PRAM1: variants seen among roughly 807,000 people sequenced by gnomAD.
The protein encoded by PRAM1 is PML-RARA regulated adaptor molecule 1, also known as PML-RARA-regulated adapter molecule 1.
In PRAM1, 41 loss-of-function variants were observed where a neutral mutation model predicts 55.3. That is an observed-to-expected ratio of 0.74 (90% CI 0.58 to 0.96). PRAM1 has a LOEUF of 0.96. Ranked by LOEUF, PRAM1 falls within the 40% of genes least tolerant of loss-of-function variation. The probability of loss-of-function intolerance (pLI) is 0.00; values close to 1 mark genes in which losing one functional copy is unlikely to be tolerated. For synonymous variants in PRAM1, 401 were observed against 387.1 expected (o/e 1.04, Z -0.42); for missense variants, 898 against 892.7 (o/e 1.01, Z -0.08).
rs192910811 is a variant in PRAM1 at position 8,493,046 on chromosome 19, C to T, written c.1577-1889G>A. Among the ~76,000 whole-genome samples the T allele has an allele frequency of 2.0e-5, 3 of 152,240 alleles. No homozygotes were observed. The highest frequency in any genetic ancestry group is 3.9e-4 in the East Asian group (2 of 5,174). ...TAAAAGATGCTGCTAGGGTAAGCGT[C>T]CTGGACTGGTGACTGATGATGAGAC... On this transcript the variant is annotated intron_variant, in intron 4 of 9. Transcript: ENST00000423345. The surrounding 1 kb of genome is among the most constrained non-coding windows in gnomAD (Gnocchi z 4.1).
rs747964549 is a variant in PRAM1, at chr19:8,499,762, G to A, written c.46C>T (p.Arg16Trp). ...PAAMESHQDF[R>W]SIKAKFQASQ... is the part of the protein sequence containing the mutation. ...GCCTGGAACTTTGCTTTGATGCTCCGGAAGTCCTGATGGCTCTCCTAGGAG... is the reference window on the plus strand; with the variant it reads ...GCCTGGAACTTTGCTTTGATGCTCCAGAAGTCCTGATGGCTCTCCTAGGAG... The change falls in exon 2 of 10, where the codon CGG becomes TGG. Residue 16 changes from arginine to tryptophan, a missense_variant. This residue lies in a region of PRAM1 where 79 missense variants were observed against 93.4 expected (regional missense o/e 0.85). Coordinates refer to ENST00000423345, the MANE Select transcript of PRAM1 (RefSeq NM_032152.5). 8.1e-5 allele frequency: 130 copies of A among 1,606,586 alleles called. No homozygotes were observed. Among genetic ancestry groups the A allele is most frequent in the Non-Finnish European group, 1.0e-4 (123 of 1,176,694 alleles).
In PRAM1 at chr19:8,499,103, G is replaced by GCCA; in HGVS notation, c.702_704dup (p.Gly235dup). 1 of 1,613,482 alleles carries GCCA rather than the reference G, an allele frequency of 6.2e-7. No individual in the cohort carries two copies. Among genetic ancestry groups the GCCA allele is most frequent in the Non-Finnish European group, 8.5e-7 (1 of 1,179,746 alleles). On this transcript the variant is annotated inframe_insertion, in exon 2 of 10. Transcript: ENST00000423345. ...GCTGCGGCACGGACTTCTTAGGGAG[G>GCCA]CCACCGACCTGAGGCTGCGGAGGCT...
chr19:8,491,444 G>A, intron 4 of PRAM1: 1 of 509,778 alleles, frequency 2.0e-6, no homozygotes, highest in Non-Finnish European at 3.6e-6. Flanking sequence ...TGTGGGCCAG[G>A]CTGGTCTTGA....
At chr19:8,491,283 G>A (rs1425690517) in intron 4 of PRAM1, 126 bp from the exon 5 acceptor site, 9 of 980,932 alleles carry the variant, frequency 9.2e-6, no homozygotes, top group Non-Finnish European at 1.4e-5. Flanking sequence ...ACCCAGGCTG[G>A]AGTGCAATGG....
intron 4 of PRAM1, among the ~76,000 whole-genome samples, chr19:8,495,738 G>A (rs909543447): frequency 6.6e-6 from 1 of 151,722 alleles, no homozygotes; most frequent in South Asian, 2.1e-4. Context: ...CATGCAGGGA[G>A]TGGAGCGTAC....
rs749515141 is a variant in PRAM1 at position 8,490,152 on chromosome 19, G to GGGCT, written c.*33_*36dup. Reference sequence around the variant, plus strand: ...CAGGGCTCCTGGGTGAGCGGGCGCTGGGCTGGCTGGCTGTCCTGGCCCCAC... The same window carrying GGGCT: ...CAGGGCTCCTGGGTGAGCGGGCGCTGGGCTGGCTGGCTGGCTGTCCTGGCCCCAC... On this transcript the variant is annotated 3_prime_UTR_variant, in exon 10 of 10. Coordinates refer to ENST00000423345, the MANE Select transcript of PRAM1 (RefSeq NM_032152.5). This position sits in a 1 kb window ranked among gnomAD's most constrained non-coding sequence, Gnocchi z 7.3. The GGGCT allele has an allele frequency of 3.3e-6, 5 of 1,514,996 alleles. No homozygotes were observed. The South Asian group carries it at 3.9e-5, about 12-fold the overall frequency. The allele number at this position is 1,514,996 out of a possible 1,614,324, so 93.8% of individuals were successfully genotyped here. A position where few individuals can be genotyped will look rare whatever the true frequency, so the allele number is the denominator to read the frequency against.
At chr19:8,496,049 G>T (rs753693597) in intron 4 of PRAM1, 1 of 456,032 alleles carries the variant, frequency 2.2e-6, no homozygotes, top group South Asian at 1.5e-5. Context: ...CTGCCTGCAG[G>T]CCACACCTCC....
rs1018255584 is a variant in PRAM1, at chr19:8,493,225, C to G, written c.1577-2068G>C. On this transcript the variant is annotated intron_variant, in intron 4 of 9. Transcript: ENST00000423345. This position sits in a 1 kb window ranked among gnomAD's most constrained non-coding sequence, Gnocchi z 4.1. ...AGTGAAAGATCCAGAACCCAGAGCC[C>G]CAGCATGTCCTTTCCGAATGGCTCA... Among the ~76,000 whole-genome samples the G allele has an allele frequency of 1.3e-5, 2 of 152,144 alleles. No individual in the cohort carries two copies. The highest frequency in any genetic ancestry group is 2.9e-5 in the Non-Finnish European group (2 of 68,018).
At chr19:8,496,063 T>C (rs543569142) in intron 4 of PRAM1, 54 of 456,068 alleles carry the variant, frequency 1.2e-4, no homozygotes, top group South Asian at 8.1e-4. Flanking sequence ...CACCTCCCCC[T>C]GAGTTTCAGG....
rs114727603 is a variant in PRAM1, at chr19:8,490,442, G to A, written c.1940+34C>T. ...CCCCCCACCCTGCACCACACACCCC[G>A]CACTCCCCCACCACGGTCAGGGCTG... On this transcript the variant is annotated intron_variant, in intron 8 of 9. Transcript: ENST00000423345. The surrounding 1 kb of genome is among the most constrained non-coding windows in gnomAD (Gnocchi z 7.3). 2.3e-3 allele frequency: 3,653 copies of A among 1,612,864 alleles called. 61 individuals are homozygous for A. In the African/African-American group the frequency reaches 0.042, roughly 18 times the overall value.
intron 1 of PRAM1, among the ~76,000 whole-genome samples, chr19:8,501,313 T>C (rs187326745): frequency 1.8e-4 from 28 of 151,544 alleles, no homozygotes; most frequent in Non-Finnish European, 3.8e-4. Flanking sequence ...CAGGCTGGTC[T>C]CGAACTCCTG....
rs1475390850 is a variant in PRAM1 at position 8,502,614 on chromosome 19, G to A, written c.-23C>T. 9.0e-6 allele frequency: 14 copies of A among 1,549,408 alleles called. No individual in the cohort carries two copies. The highest frequency in any genetic ancestry group is 1.2e-5 in the South Asian group (1 of 84,078). ...CATGGGATGAGTGGGACCCGAGCTGGGGCCGCTGCCTTCAGGAAGTGACTG... is the reference window on the plus strand; with the variant it reads ...CATGGGATGAGTGGGACCCGAGCTGAGGCCGCTGCCTTCAGGAAGTGACTG... On this transcript the variant is annotated 5_prime_UTR_variant, in exon 1 of 10. Transcript: ENST00000423345.
In PRAM1 at chr19:8,490,295, G is replaced by A. The variant is rs767059188; in HGVS notation, c.1975+43C>T. 43 of 1,613,782 alleles carry A rather than the reference G, an allele frequency of 2.7e-5. No homozygotes were observed. Among genetic ancestry groups the A allele is most frequent in the Non-Finnish European group, 7.6e-6 (9 of 1,179,850 alleles). On this transcript the variant is annotated intron_variant, in intron 9 of 9. Transcript: ENST00000423345. This position sits in a 1 kb window ranked among gnomAD's most constrained non-coding sequence, Gnocchi z 7.3. ...CCCAATAGTGAGCAGCGCCCCCGGG[G>A]AATCGCCAGGGTCCCTCCAGCCCTC...
Position 8,491,117 on chromosome 19 carries a change from T to C in PRAM1, c.1617A>G (p.Pro539=), listed in dbSNP as rs1319620461. 2 of 1,612,064 alleles carry C rather than the reference T, an allele frequency of 1.2e-6. No individual in the cohort carries two copies. Among genetic ancestry groups the C allele is most frequent in the African/African-American group, 2.7e-5 (2 of 75,042 alleles). The change falls in exon 5 of 10, where the codon CCA becomes CCG. Residue 539 remains proline, a synonymous_variant. Coordinates refer to ENST00000423345, the MANE Select transcript of PRAM1 (RefSeq NM_032152.5). The part of the protein sequence containing the change: ...PSVQQAARRP[P]QDPALRKEKD... Reference sequence around the variant, plus strand: ...CATGGCACCTGAGCGCTGGGTCTTGTGGTGGCCTCCTGGCGGCTTGCTGAA... The same window carrying C: ...CATGGCACCTGAGCGCTGGGTCTTGCGGTGGCCTCCTGGCGGCTTGCTGAA...
At chr19:8,491,067 C>T (rs1811712786) in intron 5 of PRAM1, 33 bp downstream of exon 5, 2 of 1,612,030 alleles carry the variant, frequency 1.2e-6, no homozygotes, top group Non-Finnish European at 1.7e-6. Context: ...TGGAGCTCGC[C>T]CCCCGTCTGC....
rs778129265 is a variant in PRAM1, at chr19:8,498,909, G to A, written c.899C>T (p.Pro300Leu). 6.2e-7 allele frequency: 1 copy of A among 1,613,678 alleles called. No homozygotes were observed. The highest frequency in any genetic ancestry group is 8.5e-7 in the Non-Finnish European group (1 of 1,179,768). Residue 300 changes from proline (P) to leucine (L), a missense_variant, in exon 2 of 10, where the codon CCC becomes CTC. Around this residue, in one of 4 missense-constraint regions of PRAM1, gnomAD observed 787 missense variants for 735.4 expected, o/e 1.07. Coordinates refer to ENST00000423345, the MANE Select transcript of PRAM1 (RefSeq NM_032152.5). ...LGDLTRTSSE[P>L]EVSVLPKRPR... ...CCTCTTGGGAAGCACGCTGACTTCG[G>A]GCTCTGAGGAGGTCCTGGTGAGGTC...
chr19:8,490,131 G>T lies in PRAM1; in HGVS notation c.*58C>A, dbSNP rs1323973627. 1 of 1,467,216 alleles carries T rather than the reference G, an allele frequency of 6.8e-7. No homozygotes were observed. Among genetic ancestry groups the T allele is most frequent in the African/African-American group, 1.4e-5 (1 of 71,038 alleles). 90.9% of individuals were successfully genotyped at this position (1,467,216 alleles called of 1,614,324 possible). A position where few individuals can be genotyped will look rare whatever the true frequency, so the allele number is the denominator to read the frequency against. On this transcript the variant is annotated 3_prime_UTR_variant, in exon 10 of 10. Transcript: ENST00000423345. The surrounding 1 kb of genome is among the most constrained non-coding windows in gnomAD (Gnocchi z 7.3). ...TGACTTTCCCGCGCCGGGATCCAGG[G>T]CTCCTGGGTGAGCGGGCGCTGGGCT... is the stretch of plus-strand genomic sequence containing the variant.
chr19:8,498,986 G>C lies in PRAM1; in HGVS notation c.822C>G (p.Ser274=). The stretch of plus-strand genomic sequence containing the variant: ...TGGGAAAGTCACTCAGCGGAGGCTG[G>C]GAGGCCTTTTTGGGAAAGGCGCTGG... ...RDSSAFPKKA[S]QPPLSDFPKK... is the part of the protein sequence containing the mutation. Residue 274 remains serine (S), a synonymous_variant, in exon 2 of 10, where the codon TCC becomes TCG. Transcript: ENST00000423345. The C allele has an allele frequency of 6.2e-7, 1 of 1,613,360 alleles. No individual in the cohort carries two copies. The highest frequency in any genetic ancestry group is 8.5e-7 in the Non-Finnish European group (1 of 1,179,688).
chr19:8,498,280 C>T lies in PRAM1; in HGVS notation c.1442G>A (p.Arg481Lys). The change falls in exon 3 of 10, where the codon AGG becomes AAG. Residue 481 changes from arginine to lysine, a missense_variant. By Grantham distance (26) the Arg-to-Lys change is conservative. Transcript: ENST00000423345. ...RPSAASIDLR[R>K]TRSAAGLHFQ... ...GTGGAGCCCAGCGGCCGAGCGGGTC[C>T]TCCGTAGATCTGTGGGGTAGAGAGT... 6.2e-7 allele frequency: 1 copy of T among 1,612,208 alleles called. No homozygotes were observed. The highest frequency in any genetic ancestry group is 8.5e-7 in the Non-Finnish European group (1 of 1,179,428).
Sources: allele counts gnomAD v4.1 joint callset (sites outside exome capture counted in the v4.1 genomes callset), GRCh38; gene constraint gnomAD v4.1.1; regional missense constraint gnomAD v4.1.1; non-coding constraint Gnocchi (gnomAD v3.1); transcripts MANE v1.5; gene names NCBI Gene and HGNC (gene_info 2026-07-23, HGNC 2026-07-21).